The following LOXHD1 variants were observed in gnomAD, a reference collection of about 807,000 sequenced individuals.
LOXHD1 encodes the protein lipoxygenase homology domain-containing protein 1.
Under a neutral mutation model 248.2 loss-of-function variants are expected in LOXHD1, and 205 were observed. The ratio of observed to expected loss-of-function variants is 0.83; its 90% CI spans 0.74 to 0.93. The LOEUF (loss-of-function observed/expected upper bound fraction) is 0.93, where lower values mean the gene tolerates loss of function less well. Among genes scored for constraint, LOXHD1 ranks in the 40% least tolerant of loss-of-function variants. LOXHD1 has a pLI of 0.00. For synonymous variants in LOXHD1, 1,113 were observed against 1,162.8 expected (o/e 0.96, Z 0.87); for missense variants, 2,930 against 2,971.6 (o/e 0.99, Z 0.33).
rs1346072901 is a variant in LOXHD1 at position 46,478,018 on chromosome 18, C to A, written c.6342-66G>T. 15 of 1,490,884 alleles carry A rather than the reference C, an allele frequency of 1.0e-5. No homozygotes were observed. The East Asian group carries it at 3.2e-4, about 32-fold the overall frequency. 92.4% of individuals were successfully genotyped at this position (1,490,884 alleles called of 1,614,324 possible). A position where few individuals can be genotyped will look rare whatever the true frequency, so the allele number is the denominator to read the frequency against. Reference sequence around the variant, plus strand: ...AGACCCCAGCCGAGGCTGCTCCCTCCCCCAGATCCCCTTGCTCATCTATAA... The same window carrying A: ...AGACCCCAGCCGAGGCTGCTCCCTCACCCAGATCCCCTTGCTCATCTATAA... On this transcript the variant is annotated intron_variant, in intron 40 of 40. Transcript: ENST00000642948.
At chr18:46,604,348 G>A (rs547126329) in intron 6 of LOXHD1, 119 bp from the exon 7 acceptor site, 6 of 1,349,690 alleles carry the variant, frequency 4.4e-6, no homozygotes, top group African/African-American at 2.9e-5. Flanking sequence ...TATCTGTTTC[G>A]TGGCCCAAGG....
intron 12 of LOXHD1, among the ~76,000 whole-genome samples, chr18:46,584,244 A>G (rs1041904535): frequency 9.2e-5 from 14 of 152,074 alleles, no homozygotes; most frequent in Non-Finnish European, 2.9e-5. Context: ...GGGGGAGGAG[A>G]GGATGGGGAG....
At chr18:46,617,123 G>C (rs2038598242) in intron 5 of LOXHD1, among the ~76,000 whole-genome samples, 1 of 152,170 alleles carries the variant, frequency 6.6e-6, no homozygotes, top group Non-Finnish European at 1.5e-5. Flanking sequence ...CCAATTTTCT[G>C]TACTTGAGGG....
At chr18:46,563,031 G>A (rs1413156787) in intron 18 of LOXHD1, 34 bp downstream of exon 18, 3 of 1,520,388 alleles carry the variant, frequency 2.0e-6, no homozygotes, top group Non-Finnish European at 2.7e-6. Context: ...CACTGAGCCT[G>A]CTGTTGGCAC....
At chr18:46,544,126 G>C (rs932486249) in intron 23 of LOXHD1, among the ~76,000 whole-genome samples, 1 of 152,196 alleles carries the variant, frequency 6.6e-6, no homozygotes, top group Non-Finnish European at 1.5e-5. Context: ...ACCTCATGTA[G>C]AAAGTCTTCT....
At position 46,485,080 on chromosome 18, in the gene LOXHD1, T is replaced by C; in HGVS notation, c.6121A>G (p.Arg2041Gly). Residue 2041 changes from arginine (R) to glycine (G), a missense_variant, in exon 39 of 41, where the codon AGG becomes GGG. Transcript: ENST00000642948. ...AGAAACTCTTTGGATCGGTTCTTCC[T>C]GCCCTCCAGGATGAGCCAGACGTTC... The part of the protein sequence containing the change: ...RENVWLILEG[R>G]KNRSKEFLME... 6.4e-7 allele frequency: 1 copy of C among 1,550,786 alleles called. No homozygotes were observed. The highest frequency in any genetic ancestry group is 1.2e-5 in the South Asian group (1 of 83,928).
At chr18:46,518,914 G>A in intron 33 of LOXHD1, 1 of 985,606 alleles carries the variant, frequency 1.0e-6, no homozygotes, top group South Asian at 4.7e-5. Flanking sequence ...GGAGAAGTGA[G>A]ACAATCCCCT....
At chr18:46,583,625 G>A (rs189693712) in intron 12 of LOXHD1, among the ~76,000 whole-genome samples, 5 of 151,986 alleles carry the variant, frequency 3.3e-5, no homozygotes, top group East Asian at 3.9e-4. Context: ...AATGCAAATC[G>A]AAACCATAGT....
At chr18:46,601,536 C>G (rs2038339963) in intron 7 of LOXHD1, 69 bp from the exon 8 acceptor site, 1 of 1,548,624 alleles carries the variant, frequency 6.5e-7, no homozygotes, top group African/African-American at 1.4e-5. Flanking sequence ...CCCCCTCCTC[C>G]CCTTCCTGGT....
chr18:46,497,273 G>A (rs1223432810), intron 37 of LOXHD1, among the ~76,000 whole-genome samples: 1 of 152,172 alleles, frequency 6.6e-6, no homozygotes, highest in Non-Finnish European at 1.5e-5. Context: ...GGAGAGGCTG[G>A]CATCTGAACA....
At chr18:46,613,423 T>C (rs1364251986) in intron 5 of LOXHD1, among the ~76,000 whole-genome samples, 40 of 152,152 alleles carry the variant, frequency 2.6e-4, no homozygotes, top group Non-Finnish European at 1.6e-4. Flanking sequence ...CCAGCAACTT[T>C]AGTAACTTTC....
chr18:46,592,660 AG>A, intron 10 of LOXHD1, 76 bp from the exon 11 acceptor site: 1 of 1,253,238 alleles, frequency 8.0e-7, no homozygotes, highest in Admixed American at 2.0e-5. Flanking sequence ...ACCCACTCTC[AG>A]GAGGGTACCT....
chr18:46,572,980 G>A (rs535772827), intron 14 of LOXHD1, among the ~76,000 whole-genome samples: 7 of 126,142 alleles, frequency 5.5e-5, no homozygotes, highest in South Asian at 2.7e-4. Flanking sequence ...CAGAGATTGC[G>A]CCACTGCACT....
chr18:46,526,081 T>G (rs566770081), intron 29 of LOXHD1, among the ~76,000 whole-genome samples: 31 of 152,202 alleles, frequency 2.0e-4, no homozygotes, highest in African/African-American at 7.0e-4. Context: ...AAAGCAGATG[T>G]GGATGGGAGC....
intron 8 of LOXHD1, among the ~76,000 whole-genome samples, chr18:46,598,348 C>CA (rs1018267815): frequency 2.0e-5 from 3 of 151,902 alleles, no homozygotes; most frequent in South Asian, 2.1e-4. Flanking sequence ...CATAAACTTG[C>CA]AAAAAAATCA....
intron 4 of LOXHD1, among the ~76,000 whole-genome samples, chr18:46,624,988 T>A (rs906559871): frequency 2.6e-5 from 4 of 152,112 alleles, no homozygotes; most frequent in Non-Finnish European, 5.9e-5. Flanking sequence ...CATCGTTTAA[T>A]CCTCACAATG....
chr18:46,490,703 G>T (rs1022008394), intron 37 of LOXHD1, among the ~76,000 whole-genome samples: 1 of 152,142 alleles, frequency 6.6e-6, no homozygotes, highest in East Asian at 1.9e-4. Context: ...TCGAACTCCC[G>T]AACTCAGGTG....
rs1308212325 is a variant in LOXHD1 at position 46,534,443 on chromosome 18, A to G, written c.4104T>C (p.Asp1368=). Residue 1368 remains aspartate, a synonymous_variant, in exon 27 of 41, where the codon GAT becomes GAC. Transcript: ENST00000642948. ...SASRFIVELE[D]VGEIIEKIRI... ...GAATTTTTTCAATGATTTCTCCCAC[A>G]TCTTCTAACTTTGGAAAGGAGATAA... 6.4e-7 allele frequency: 1 copy of G among 1,551,112 alleles called. No homozygotes were observed. The highest frequency in any genetic ancestry group is 1.2e-5 in the South Asian group (1 of 84,038).
At chr18:46,625,133 G>A (rs2038722710) in intron 4 of LOXHD1, among the ~76,000 whole-genome samples, 1 of 152,284 alleles carries the variant, frequency 6.6e-6, no homozygotes, top group Middle Eastern at 3.4e-3. Flanking sequence ...TGAACAAGAA[G>A]GTTCTCTCTT....
Sources: allele counts gnomAD v4.1 joint callset (sites outside exome capture counted in the v4.1 genomes callset), GRCh38; gene constraint gnomAD v4.1.1; transcripts MANE v1.5; gene names NCBI Gene and HGNC (gene_info 2026-07-23, HGNC 2026-07-21).